Variants in ODAM observed in about 807,000 individuals in gnomAD.
ODAM encodes the protein odontogenic, ameloblast associated, also known as odontogenic ameloblast-associated protein.
ODAM carries 55 observed loss-of-function variants against 48.5 expected under a neutral mutation model. That is an observed-to-expected ratio of 1.13 (90% CI 0.91 to 1.42). ODAM has a LOEUF of 1.42. Among genes scored for constraint, ODAM ranks in the 40% most tolerant of loss-of-function variants. The pLI, the probability that ODAM is intolerant of heterozygous loss-of-function variation, is 0.00. For synonymous variants in ODAM, 127 were observed against 107.8 expected, an observed-to-expected ratio of 1.18 and a Z score of -1.10; for missense variants, 353 against 323.6, an observed-to-expected ratio of 1.09 and a Z score of -0.70.
intron 5 of ODAM, 81 bp downstream of exon 5, chr4:70,198,238 A>C (rs1729422197): frequency 8.6e-7 from 1 of 1,164,496 alleles, no homozygotes; most frequent in Admixed American, 2.3e-5. Flanking sequence ...TCAGCTTTGA[A>C]ATAGGCAGGG....
intron 6 of ODAM, among the ~76,000 whole-genome samples, chr4:70,199,733 G>T (rs917253479): frequency 6.6e-6 from 1 of 151,940 alleles, no homozygotes; most frequent in Non-Finnish European, 1.5e-5. Context: ...TTGATTCTTA[G>T]CCAGGATTAA....
At chr4:70,199,022 G>T (rs1729440666) in intron 6 of ODAM, among the ~76,000 whole-genome samples, 1 of 151,950 alleles carries the variant, frequency 6.6e-6, no homozygotes, top group Admixed American at 6.6e-5. Context: ...GATAATATAT[G>T]ATATGATGTA....
In ODAM at chr4:70,201,447, C is replaced by T. The variant is rs547026412; in HGVS notation, c.529-7C>T. 2 of 1,444,340 alleles carry T rather than the reference C, an allele frequency of 1.4e-6. No homozygotes were observed. The highest frequency in any genetic ancestry group is 1.9e-6 in the Non-Finnish European group (2 of 1,039,510). 89.5% of individuals were successfully genotyped at this position (1,444,340 alleles called of 1,614,324 possible). A position where few individuals can be genotyped will look rare whatever the true frequency, so the allele number is the denominator to read the frequency against. On this transcript the variant is annotated splice_region_variant and splice_polypyrimidine_tract_variant and intron_variant, in intron 7 of 11. Coordinates refer to ENST00000683306, the MANE Select transcript of ODAM (RefSeq NM_017855.4). ...AAATATAATACATTTTTTAAAAAAT[C>T]TGACAGATACCATTCTATGCTCAAT...
chr4:70,198,479 A>G, intron 5 of ODAM, 100 bp from the exon 6 acceptor site: 2 of 933,440 alleles, frequency 2.1e-6, no homozygotes, highest in African/African-American at 1.7e-5. Flanking sequence ...TTGTTAACAC[A>G]AAGGATAAAT....
chr4:70,198,317 G>A (rs915518692), intron 5 of ODAM, among the ~76,000 whole-genome samples, 160 bp downstream of exon 5: 3 of 151,714 alleles, frequency 2.0e-5, no homozygotes, highest in Non-Finnish European at 4.4e-5. Context: ...TTTATTTTCT[G>A]ATTTCTAAGA....
chr4:70,196,620 T>G, intron 2 of ODAM, 26 bp downstream of exon 2: 1 of 1,591,636 alleles, frequency 6.3e-7, no homozygotes, highest in East Asian at 2.2e-5. Flanking sequence ...GCACTACTAG[T>G]CCCACTGTGT....
intron 9 of ODAM, 64 bp downstream of exon 9, chr4:70,202,393 A>C: frequency 1.6e-6 from 2 of 1,241,168 alleles, no homozygotes; most frequent in Non-Finnish European, 2.4e-6. Context: ...TACTGCACTA[A>C]TGTTCATTTT....
At chr4:70,200,129 G>A (rs151049157) in intron 6 of ODAM, 4 of 445,962 alleles carry the variant, frequency 9.0e-6, no homozygotes, top group Admixed American at 5.0e-5. Flanking sequence ...TCTGCAGAAT[G>A]ATGATTCTCA....
intron 4 of ODAM, among the ~76,000 whole-genome samples, chr4:70,197,557 C>T (rs1729398845): frequency 6.6e-6 from 1 of 151,972 alleles, no homozygotes; most frequent in South Asian, 2.1e-4. Flanking sequence ...ATTCTCACAA[C>T]TATGAGATAG....
At chr4:70,203,396 T>C (rs3775756) in intron 11 of ODAM, among the ~76,000 whole-genome samples, 182 bp downstream of exon 11, 16,882 of 151,850 alleles carry the variant, frequency 0.11, 1,125 homozygotes, top group East Asian at 0.23. Context: ...AAAAACAAAA[T>C]TAAATTTTGA....
chr4:70,198,133 T>C lies in ODAM; in HGVS notation c.351T>C (p.Pro117=). 2 of 1,613,106 alleles carry C rather than the reference T, an allele frequency of 1.2e-6. No homozygotes were observed. Among genetic ancestry groups the C allele is most frequent in the Non-Finnish European group, 1.7e-6 (2 of 1,179,472 alleles). Residue 117 remains proline (P), a synonymous_variant, in exon 5 of 12, where the codon CCT becomes CCC. Coordinates refer to ENST00000683306, the MANE Select transcript of ODAM (RefSeq NM_017855.4). ...ATCCCTTACAGCTTCAAACACCGCC[T>C]CAGACACAACCAGGCCCCAGTCACG... ...QVDPLQLQTP[P]QTQPGPSHVM...
chr4:70,197,273 G>T lies in ODAM; in HGVS notation c.94-1G>T. On this transcript the variant is annotated splice_acceptor_variant, in intron 3 of 11. Transcript: ENST00000683306. LOFTEE classifies it high-confidence loss of function. ...ATTTCATATTATTTTTCTTTTTCTA[G>T]TTACTTCTTAATCTTAATAATGGTC... The T allele has an allele frequency of 1.5e-6, 2 of 1,342,326 alleles. No individual in the cohort carries two copies. The highest frequency in any genetic ancestry group is 2.1e-6 in the Non-Finnish European group (2 of 936,762). The allele number at this position is 1,342,326 out of a possible 1,614,324, so 83.2% of individuals were successfully genotyped here.
chr4:70,200,291 A>T, intron 6 of ODAM: 1 of 475,192 alleles, frequency 2.1e-6, no homozygotes, highest in Non-Finnish European at 3.7e-6. Flanking sequence ...TGCCCAAGCA[A>T]CCTTAAAAAC....
intron 8 of ODAM, 148 bp from the exon 9 acceptor site, chr4:70,202,110 A>G: frequency 1.6e-6 from 1 of 632,946 alleles, no homozygotes; most frequent in Non-Finnish European, 2.8e-6. Context: ...CAGTTCTCTA[A>G]TAGCAAAAAT....
intron 5 of ODAM, 98 bp downstream of exon 5, chr4:70,198,255 G>T: frequency 2.0e-6 from 2 of 1,004,458 alleles, no homozygotes; most frequent in Non-Finnish European, 2.9e-6. Context: ...AGGGGTTTTT[G>T]AACAATATTT....
chr4:70,198,525 T>C (rs957968152), intron 5 of ODAM, 54 bp from the exon 6 acceptor site: 1 of 1,388,066 alleles, frequency 7.2e-7, no homozygotes, highest in Non-Finnish European at 1.0e-6. Context: ...AGCTCAGGGA[T>C]TTTTAAATAA....
At chr4:70,196,383 A>G in intron 1 of ODAM, 146 bp from the exon 2 acceptor site, 1 of 524,844 alleles carries the variant, frequency 1.9e-6, no homozygotes, top group Admixed American at 3.6e-5. Flanking sequence ...ATTTACAAAC[A>G]TAACTTTTTA....
Position 70,198,084 on chromosome 4 carries a change from A to G in ODAM, c.302A>G (p.Gln101Arg), listed in dbSNP as rs201514554. Residue 101 changes from glutamine to arginine, a missense_variant, in exon 5 of 12, where the codon CAA (glutamine) becomes CGA (arginine). Gln to Arg is a conservative substitution (Grantham distance 43, BLOSUM62 1). Transcript: ENST00000683306. ...TTAACAGGAGAGGCCAGTTTTGCCC[A>G]AGGAGCCCAGGCAGGCCAAGTTGAT... ...IPLTGEASFA[Q>R]GAQAGQVDPL... is the part of the protein sequence containing the mutation. 1,542 of 1,613,326 alleles carry G rather than the reference A, an allele frequency of 9.6e-4. No homozygotes were observed. Among genetic ancestry groups the G allele is most frequent in the Non-Finnish European group, 1.2e-3 (1,465 of 1,179,530 alleles).
At chr4:70,196,017 T>C (rs2109813906) in intron 1 of ODAM, among the ~76,000 whole-genome samples, 1 of 152,156 alleles carries the variant, frequency 6.6e-6, no homozygotes, top group East Asian at 1.9e-4. Flanking sequence ...TACAAAAACA[T>C]TGACTCAGTT....
Sources: gnomAD v4.1 joint callset for allele counts (sites outside exome capture counted in the v4.1 genomes callset) on GRCh38, gnomAD v4.1.1 for gene constraint, MANE v1.5 for transcripts, NCBI Gene and HGNC (gene_info 2026-07-23, HGNC 2026-07-21) for gene names.